CUL5: variants seen among roughly 807,000 people sequenced by gnomAD.
The protein encoded by CUL5 is cullin-5.
In CUL5, 26 loss-of-function variants were observed where a neutral mutation model predicts 108.8. The ratio of observed to expected loss-of-function variants is 0.24; its 90% CI spans 0.18 to 0.33. CUL5 has a LOEUF of 0.33. Among genes scored for constraint, CUL5 ranks in the 10% least tolerant of loss-of-function variants. CUL5 has a pLI of 1.00. For missense variants in CUL5, 524 were observed against 909.2 expected (o/e 0.58, Z 5.45); for synonymous variants, 334 against 298.0 (o/e 1.12, Z -1.25).
At chr11:108,070,943 G>A (rs558034683) in intron 8 of CUL5, among the ~76,000 whole-genome samples, 1 of 152,150 alleles carries the variant, frequency 6.6e-6, no homozygotes. Flanking sequence ...CTTGTATTCT[G>A]TGTGCCAGTC....
intron 14 of CUL5, 66 bp from the exon 15 acceptor site, chr11:108,094,746 C>CTAA: frequency 8.0e-7 from 1 of 1,254,876 alleles, no homozygotes; most frequent in Non-Finnish European, 1.1e-6. Context: ...CCAAAGTTAC[C>CTAA]CTGTATTTAT....
chr11:108,092,939 C>T (rs1864393555), intron 13 of CUL5, among the ~76,000 whole-genome samples: 1 of 152,154 alleles, frequency 6.6e-6, no homozygotes, highest in Non-Finnish European at 1.5e-5. Context: ...GCCTCAGCCT[C>T]CTGAGTAGCT....
intron 2 of CUL5, among the ~76,000 whole-genome samples, chr11:108,044,871 C>T (rs546018214): frequency 1.3e-5 from 2 of 152,184 alleles, no homozygotes; most frequent in South Asian, 2.1e-4. Context: ...AAGTGATTCT[C>T]ATGCTTCAGC....
chr11:108,017,342 A>G (rs1318726486), intron 1 of CUL5, among the ~76,000 whole-genome samples: 2 of 142,448 alleles, frequency 1.4e-5, no homozygotes, highest in African/African-American at 2.6e-5. Flanking sequence ...GTGAATTGAG[A>G]TCGCACCACT....
At chr11:108,063,792 G>C (rs997104623) in intron 7 of CUL5, among the ~76,000 whole-genome samples, 5 of 152,030 alleles carry the variant, frequency 3.3e-5, no homozygotes, top group Non-Finnish European at 7.4e-5. Flanking sequence ...CTCTGTATTA[G>C]TTTTTTGAGG....
intron 16 of CUL5, among the ~76,000 whole-genome samples, chr11:108,097,083 T>G (rs1242033314): frequency 6.6e-6 from 1 of 152,092 alleles, no homozygotes; most frequent in Non-Finnish European, 1.5e-5. Context: ...AGTGGCACAA[T>G]CTCAGCTCAC....
chr11:108,052,352 T>C (rs1355307655), intron 4 of CUL5, among the ~76,000 whole-genome samples: 1 of 152,130 alleles, frequency 6.6e-6, no homozygotes, highest in Non-Finnish European at 1.5e-5. Context: ...TCTTACTCTG[T>C]CACCCAGGCT....
chr11:108,047,022 A>G (rs1469236819), intron 3 of CUL5, among the ~76,000 whole-genome samples: 1 of 152,130 alleles, frequency 6.6e-6, no homozygotes, highest in Non-Finnish European at 1.5e-5. Flanking sequence ...TCCTTTCTAT[A>G]ACATGAGGTC....
intron 11 of CUL5, among the ~76,000 whole-genome samples, chr11:108,082,446 A>G (rs1337979812): frequency 6.6e-6 from 1 of 151,828 alleles, no homozygotes; most frequent in Non-Finnish European, 1.5e-5. Context: ...ACACCTGGCT[A>G]TATTATTTTT....
intron 3 of CUL5, among the ~76,000 whole-genome samples, chr11:108,047,442 C>T (rs1047193905): frequency 6.6e-5 from 10 of 152,112 alleles, no homozygotes; most frequent in African/African-American, 2.2e-4. Context: ...TTTGTTAAAT[C>T]GTGTTATTAA....
intron 11 of CUL5, among the ~76,000 whole-genome samples, chr11:108,087,644 A>T (rs923963368): frequency 9.2e-5 from 14 of 152,208 alleles, no homozygotes; most frequent in African/African-American, 1.4e-4. Flanking sequence ...GTTATTTTTT[A>T]AAAAAACAAT....
intron 1 of CUL5, among the ~76,000 whole-genome samples, chr11:108,023,718 A>G (rs1019689842): frequency 6.6e-6 from 1 of 152,216 alleles, no homozygotes; most frequent in African/African-American, 2.4e-5. Context: ...AAGCTCCCCA[A>G]AATAAGTTTA....
chr11:108,070,817 C>T (rs1335476392), intron 8 of CUL5, among the ~76,000 whole-genome samples: 1 of 152,092 alleles, frequency 6.6e-6, no homozygotes, highest in African/African-American at 2.4e-5. Context: ...ACTGCAAGGT[C>T]CTGTTTAATC....
rs139114486 is a variant in CUL5 at position 108,097,762 on chromosome 11, C to T, written c.2024+8C>T. On this transcript the variant is annotated splice_region_variant and intron_variant, in intron 17 of 18. Coordinates refer to ENST00000393094, the MANE Select transcript of CUL5 (RefSeq NM_003478.6). ...CCAGGAGTTCAGTTTAATGTAAGCT[C>T]GTTAGTTGATCTAAAATAAAAACAC... The T allele has an allele frequency of 2.4e-4, 341 of 1,438,756 alleles. 3 individuals carry two copies. The African/African-American group carries it at 4.2e-3, about 18-fold the overall frequency. 89.1% of individuals were successfully genotyped at this position (1,438,756 alleles called of 1,614,324 possible).
At chr11:108,017,389 CAA>C (rs71840119) in intron 1 of CUL5, among the ~76,000 whole-genome samples, 85 of 102,914 alleles carry the variant, frequency 8.3e-4, no homozygotes, top group African/African-American at 1.4e-3. Flanking sequence ...GACCCTGTCT[CAA>C]AAAAAAAAAA....
At chr11:108,032,952 A>G (rs936749854) in intron 1 of CUL5, among the ~76,000 whole-genome samples, 1 of 152,144 alleles carries the variant, frequency 6.6e-6, no homozygotes, top group East Asian at 1.9e-4. Flanking sequence ...CAGTCTCCAT[A>G]TAAGACTATT....
chr11:108,092,724 G>A (rs977147125), intron 13 of CUL5, among the ~76,000 whole-genome samples: 10 of 152,146 alleles, frequency 6.6e-5, no homozygotes, highest in Non-Finnish European at 1.5e-4. Context: ...TTTTTGGGGT[G>A]ATGAAAATGT....
intron 1 of CUL5, among the ~76,000 whole-genome samples, chr11:108,016,390 C>T (rs1365940350): frequency 6.6e-6 from 1 of 152,124 alleles, no homozygotes; most frequent in Non-Finnish European, 1.5e-5. Flanking sequence ...ACCTCATCCT[C>T]CCACAGGTGC....
rs940603707 is a variant in CUL5, at chr11:108,101,628, G to A, written c.2149-2562G>A. Among the ~76,000 whole-genome samples, 13 of 152,290 alleles carry A rather than the reference G, an allele frequency of 8.5e-5. No homozygotes were observed. In the South Asian group the frequency reaches 1.4e-3, roughly 17 times the overall value. On this transcript the variant is annotated intron_variant, in intron 18 of 18. Transcript: ENST00000393094. ...GGCCCTGTGGCAGGTCCATTAGCTC[G>A]AAACTCTTGCTGTCACACTTGGGAA...
Sources: allele counts gnomAD v4.1 joint callset (sites outside exome capture counted in the v4.1 genomes callset), GRCh38; gene constraint gnomAD v4.1.1; transcripts MANE v1.5; gene names NCBI Gene and HGNC (gene_info 2026-07-23, HGNC 2026-07-21).